Variants in STAG2 observed in about 807,000 individuals in gnomAD.
The protein encoded by STAG2 is STAG2 cohesin complex component, also known as cohesin subunit SA-2.
STAG2 carries 14 observed loss-of-function variants against 108.1 expected under a neutral mutation model. The observed-to-expected ratio is 0.13, with a 90% CI of 0.09 to 0.20. The LOEUF (loss-of-function observed/expected upper bound fraction) is 0.20, where lower values mean the gene tolerates loss of function less well. Ranked by LOEUF, STAG2 falls within the 10% of genes least tolerant of loss-of-function variation. The probability of loss-of-function intolerance (pLI) is 1.00; values close to 1 mark genes in which losing one functional copy is unlikely to be tolerated. For synonymous variants in STAG2, 307 were observed against 302.7 expected, an observed-to-expected ratio of 1.01 and a Z score of -0.15; for missense variants, 440 against 940.9, an observed-to-expected ratio of 0.47 and a Z score of 6.96.
rs2056922743 is a variant in STAG2, at chrX:124,021,428, A to G, written c.-101A>G. ...GAAAAACATAAGAAAATTATAAGAG[A>G]AAGGTACACATAAGACTAAGAGCTT... On this transcript the variant is annotated 5_prime_UTR_variant, in exon 2 of 35. Coordinates refer to ENST00000371145, the MANE Select transcript of STAG2 (RefSeq NM_001042750.2). The G allele has an allele frequency of 8.9e-6, 1 of 111,846 alleles. No homozygotes were observed. Among genetic ancestry groups the G allele is most frequent in the African/African-American group, 3.2e-5 (1 of 30,797 alleles). 9.2% of individuals were successfully genotyped at this position (111,846 alleles called of 1,213,427 possible).
At position 124,004,792 on chromosome X, in the gene STAG2, T is replaced by C. The variant is rs191901406; in HGVS notation, c.-162-16575T>C. On this transcript the variant is annotated intron_variant, in intron 1 of 34. Transcript: ENST00000371145. The stretch of plus-strand genomic sequence containing the variant: ...TTGACTTTATTCTTAAAGTTTTATC[T>C]TGGTATAATAATTTATGGTATGTTG... Among the ~76,000 whole-genome samples, 12 of 111,954 alleles carry C rather than the reference T, an allele frequency of 1.1e-4. No individual in the cohort carries two copies. The East Asian group carries it at 3.3e-3, about 31-fold the overall frequency.
chrX:124,082,519 T>G (rs2058986786), intron 28 of STAG2, among the ~76,000 whole-genome samples: 1 of 111,512 alleles, frequency 9.0e-6, no homozygotes, highest in Admixed American at 9.6e-5. Context: ...ATGCTGCTCT[T>G]GTTTAAGTTT....
intron 1 of STAG2, among the ~76,000 whole-genome samples, chrX:123,984,394 A>T (rs1308425157): frequency 9.0e-6 from 1 of 111,717 alleles, no homozygotes; most frequent in Admixed American, 9.5e-5. Context: ...AATGCAGTGA[A>T]TGGAGAGCCC....
At chrX:124,070,268 A>G (rs953157339) in intron 24 of STAG2, among the ~76,000 whole-genome samples, 2 of 111,978 alleles carry the variant, frequency 1.8e-5, no homozygotes, top group African/African-American at 3.2e-5. Flanking sequence ...CTACTATAGT[A>G]GTTAGGAGAA....
chrX:124,101,961 C>T lies in STAG2; in HGVS notation c.*1364C>T, dbSNP rs2059513480. 6.3e-6 allele frequency: 1 copy of T among 159,594 alleles called. No individual in the cohort carries two copies. The highest frequency in any genetic ancestry group is 3.2e-4 in the South Asian group (1 of 3,093). The allele number at this position is 159,594 out of a possible 1,213,427, so 13.2% of individuals were successfully genotyped here. A position where few individuals can be genotyped will look rare whatever the true frequency, so the allele number is the denominator to read the frequency against. On this transcript the variant is annotated 3_prime_UTR_variant, in exon 35 of 35. Transcript: ENST00000371145. ...ACATGTGTATCTATCTATTGTCAGT[C>T]GTCTCTCAGTTCTTGAGGTATATTA...
At chrX:123,977,965 C>A (rs1424915498) in intron 1 of STAG2, among the ~76,000 whole-genome samples, 3 of 104,947 alleles carry the variant, frequency 2.9e-5, no homozygotes, top group African/African-American at 1.0e-4. Flanking sequence ...ACCTCAGCCT[C>A]CTGAGTAACT....
chrX:124,004,129 A>T (rs1569499757), intron 1 of STAG2, among the ~76,000 whole-genome samples: 1 of 111,863 alleles, frequency 8.9e-6, no homozygotes, highest in Non-Finnish European at 1.9e-5. Context: ...CTAGAGGTTC[A>T]TATTTATTGG....
chrX:124,069,500 C>T (rs2058616716), intron 24 of STAG2, among the ~76,000 whole-genome samples: 1 of 111,602 alleles, frequency 9.0e-6, no homozygotes. Context: ...CAAATATAAC[C>T]AGCCCTTTGT....
chrX:124,035,684 G>T (rs1055139074), intron 5 of STAG2, among the ~76,000 whole-genome samples: 1 of 112,089 alleles, frequency 8.9e-6, no homozygotes, highest in African/African-American at 3.2e-5. Context: ...CATGTTTAGT[G>T]CCTAGTCTGT....
intron 1 of STAG2, among the ~76,000 whole-genome samples, chrX:123,967,213 T>A (rs895176176): frequency 2.8e-5 from 3 of 107,415 alleles, no homozygotes; most frequent in Non-Finnish European, 5.8e-5. Context: ...TGTTTTCCAT[T>A]CCTTCTGCCG....
At chrX:123,974,511 G>GCT (rs1391552191) in intron 1 of STAG2, among the ~76,000 whole-genome samples, 1 of 107,872 alleles carries the variant, frequency 9.3e-6, no homozygotes, top group African/African-American at 3.4e-5. Flanking sequence ...ACAGGCATGA[G>GCT]CTACCGTGCC....
chrX:124,065,978 A>T (rs2058512860), intron 21 of STAG2, 32 bp downstream of exon 21: 1 of 1,090,092 alleles, frequency 9.2e-7, no homozygotes, highest in Middle Eastern at 2.5e-4. Context: ...CTGTTTTCTT[A>T]AATCTGTAGA....
intron 9 of STAG2, 48 bp from the exon 10 acceptor site, chrX:124,048,957 T>A: frequency 9.5e-7 from 1 of 1,055,646 alleles, no homozygotes; most frequent in Non-Finnish European, 1.3e-6. Flanking sequence ...GGTGTTCATT[T>A]GGTTGTCTTC....
intron 1 of STAG2, among the ~76,000 whole-genome samples, chrX:123,977,835 T>G (rs1228811934): frequency 5.3e-5 from 4 of 75,789 alleles, no homozygotes; most frequent in African/African-American, 2.1e-4. Context: ...CCCAAGTGTT[T>G]TTTTTTTTTT....
upstream of STAG2, chrX:123,960,952 A>G (rs34620385): frequency 0.25 from 27,273 of 111,103 alleles, 2,483 homozygotes; most frequent in South Asian, 0.45. Context: ...GGTGTGTATG[A>G]TTGAAACAGG....
chrX:124,053,674 A>T (rs766785554), intron 13 of STAG2, among the ~76,000 whole-genome samples: 1 of 111,818 alleles, frequency 8.9e-6, no homozygotes, highest in East Asian at 2.8e-4. Context: ...AGAGATGAAC[A>T]CATATGCACC....
chrX:124,017,233 G>T (rs1312033343), intron 1 of STAG2, among the ~76,000 whole-genome samples: 2 of 108,301 alleles, frequency 1.8e-5, no homozygotes, highest in African/African-American at 6.8e-5. Flanking sequence ...TTATGGAGAT[G>T]GAGTCTCACT....
chrX:124,054,922 G>A (rs748869094), intron 13 of STAG2, among the ~76,000 whole-genome samples: 2 of 110,238 alleles, frequency 1.8e-5, no homozygotes, highest in East Asian at 5.7e-4. Context: ...CACCATGTCC[G>A]GCTAATTTTT....
In STAG2 at chrX:124,049,448, G is replaced by GT. The variant is rs768703696; in HGVS notation, c.893+371dup. Among the ~76,000 whole-genome samples, 7 of 112,312 alleles carry GT rather than the reference G, an allele frequency of 6.2e-5. No individual in the cohort carries two copies. In the East Asian group the frequency reaches 1.9e-3, roughly 31 times the overall value. ...AGTGGGAACAATTGGATAGGTTAAA[G>GT]TGAGATATTTTCTTTTGCTGTTTTG... On this transcript the variant is annotated intron_variant, in intron 10 of 34. Transcript: ENST00000371145.
Sources: allele counts gnomAD v4.1 joint callset (sites outside exome capture counted in the v4.1 genomes callset), GRCh38; gene constraint gnomAD v4.1.1; transcripts MANE v1.5; gene names NCBI Gene and HGNC (gene_info 2026-07-23, HGNC 2026-07-21).